The following CDYL variants were observed in gnomAD, a reference collection of about 807,000 sequenced individuals.
CDYL encodes the protein chromodomain Y like.
Under a neutral mutation model 47.3 loss-of-function variants are expected in CDYL, and 8 were observed. The ratio of observed to expected loss-of-function variants is 0.17; its 90% CI spans 0.10 to 0.31. The LOEUF is 0.31. Among genes scored for constraint, CDYL ranks in the 10% least tolerant of loss-of-function variants. The pLI, the probability that CDYL is intolerant of heterozygous loss-of-function variation, is 1.00. For synonymous variants in CDYL, 266 were observed against 265.0 expected (o/e 1.00, Z -0.04); for missense variants, 471 against 701.4 (o/e 0.67, Z 3.71).
At chr6:4,750,655 A>C (rs537050447) in intron 3 of CDYL, among the ~76,000 whole-genome samples, 1 of 152,320 alleles carries the variant, frequency 6.6e-6, no homozygotes, top group Non-Finnish European at 1.5e-5. Context: ...TCAAATTAAT[A>C]TATGTGATGT....
intron 1 of CDYL, among the ~76,000 whole-genome samples, chr6:4,856,356 C>T (rs941027301): frequency 3.9e-5 from 6 of 152,102 alleles, no homozygotes; most frequent in Non-Finnish European, 5.9e-5. Flanking sequence ...GTGAAGAGGT[C>T]GGCCGGATAG....
intron 3 of CDYL, among the ~76,000 whole-genome samples, chr6:4,743,829 G>T (rs6920511): frequency 0.77 from 116,909 of 152,178 alleles, 45,785 homozygotes; most frequent in Non-Finnish European, 0.84. Context: ...TGGCTTGTCA[G>T]ATGTGTAGTA....
chr6:4,725,000 C>T lies in CDYL; in HGVS notation c.103+9119C>T, dbSNP rs565445550. 273 of 152,180 alleles carry T rather than the reference C, an allele frequency of 1.8e-3. 1 individual carries two copies. The highest frequency in any genetic ancestry group is 6.3e-3 in the African/African-American group (260 of 41,536). The allele number at this position is 152,180 out of a possible 1,614,324, so 9.4% of individuals were successfully genotyped here. A position where few individuals can be genotyped will look rare whatever the true frequency, so the allele number is the denominator to read the frequency against. ...CTGTTTTACAGAGAGCTGATTGGTC[C>T]GTTTTGACAGGGTACTGATTGGTGC... is the stretch of plus-strand genomic sequence containing the variant. On this transcript the variant is annotated intron_variant, in intron 2 of 8. Coordinates refer to the CDYL transcript ENST00000328908.
At chr6:4,764,660 T>C (rs150049922) in intron 3 of CDYL, among the ~76,000 whole-genome samples, 15 of 152,332 alleles carry the variant, frequency 9.8e-5, no homozygotes, top group Non-Finnish European at 2.2e-4. Context: ...GACAAAATGC[T>C]TCCTTCACCA....
At chr6:4,927,280 C>T (rs912725967) in intron 2 of CDYL, among the ~76,000 whole-genome samples, 5 of 151,762 alleles carry the variant, frequency 3.3e-5, no homozygotes, top group African/African-American at 7.3e-5. Flanking sequence ...AGGAATGTAC[C>T]GATTTATGTA....
intron 2 of CDYL, among the ~76,000 whole-genome samples, chr6:4,896,362 T>C (rs1021294785): frequency 6.6e-6 from 1 of 152,172 alleles, no homozygotes; most frequent in East Asian, 1.9e-4. Flanking sequence ...CAAGAAAGCA[T>C]TTTGTTTTTC....
chr6:4,754,941 T>G (rs1296098805), intron 3 of CDYL, among the ~76,000 whole-genome samples: 2 of 152,224 alleles, frequency 1.3e-5, no homozygotes, highest in African/African-American at 4.8e-5. Context: ...GCTTACTTCT[T>G]TTTTGAAATG....
chr6:4,822,716 C>G (rs894242028), intron 1 of CDYL, among the ~76,000 whole-genome samples: 1 of 152,154 alleles, frequency 6.6e-6, no homozygotes, highest in Admixed American at 6.5e-5. Flanking sequence ...AAATGAAACC[C>G]TATTTCATGT....
intron 5 of CDYL, among the ~76,000 whole-genome samples, chr6:4,948,733 AG>A (rs960448404): frequency 2.2e-4 from 33 of 152,338 alleles, no homozygotes; most frequent in African/African-American, 7.5e-4. Flanking sequence ...CCTAGTGTCC[AG>A]GGGGAGAAAC....
chr6:4,857,240 C>T (rs561989948), intron 1 of CDYL, among the ~76,000 whole-genome samples: 7 of 152,318 alleles, frequency 4.6e-5, no homozygotes, highest in Non-Finnish European at 7.3e-5. Context: ...CAACCATCAC[C>T]ACCAAACATC....
intron 1 of CDYL, among the ~76,000 whole-genome samples, chr6:4,817,234 C>T (rs954929381): frequency 2.6e-5 from 4 of 151,980 alleles, no homozygotes; most frequent in Admixed American, 2.0e-4. Flanking sequence ...TAACTTCAGC[C>T]GGAGCCTAAT....
intron 2 of CDYL, among the ~76,000 whole-genome samples, chr6:4,927,415 C>G (rs968482604): frequency 8.7e-6 from 1 of 114,604 alleles, no homozygotes; most frequent in African/African-American, 3.8e-5. Context: ...TTCCATCATT[C>G]GAATTTACTG....
At chr6:4,838,887 A>T (rs892999709) in intron 1 of CDYL, among the ~76,000 whole-genome samples, 1 of 152,058 alleles carries the variant, frequency 6.6e-6, no homozygotes, top group Non-Finnish European at 1.5e-5. Flanking sequence ...GGGTTTCACC[A>T]TGTTGGCCAG....
At chr6:4,868,118 G>C (rs1019053679) in intron 1 of CDYL, among the ~76,000 whole-genome samples, 1 of 151,532 alleles carries the variant, frequency 6.6e-6, no homozygotes, top group African/African-American at 2.4e-5. Context: ...ATTTATACTT[G>C]GATCTTTATT....
intron 2 of CDYL, among the ~76,000 whole-genome samples, chr6:4,921,670 T>C (rs949372141): frequency 2.0e-5 from 3 of 152,250 alleles, no homozygotes; most frequent in African/African-American, 7.2e-5. Context: ...CTTCAAAGGC[T>C]GGCTGCAGTC....
At chr6:4,797,797 G>T (rs1279486891) in intron 1 of CDYL, among the ~76,000 whole-genome samples, 2 of 152,270 alleles carry the variant, frequency 1.3e-5, no homozygotes, top group Middle Eastern at 6.8e-3. Context: ...ACCCCATTTT[G>T]TGGATACACT....
At chr6:4,818,837 C>T (rs1759744940) in intron 1 of CDYL, among the ~76,000 whole-genome samples, 1 of 152,146 alleles carries the variant, frequency 6.6e-6, no homozygotes, top group African/African-American at 2.4e-5. Context: ...ACTGTATCAC[C>T]AGGTGACTGA....
chr6:4,824,118 G>T (rs898749008), intron 1 of CDYL, among the ~76,000 whole-genome samples: 7 of 152,120 alleles, frequency 4.6e-5, no homozygotes, highest in African/African-American at 1.7e-4. Context: ...CACATTTTAT[G>T]TATCCATTCA....
At chr6:4,724,333 G>A (rs532113675) in intron 2 of CDYL, 1 of 152,104 alleles carries the variant, frequency 6.6e-6, no homozygotes, top group African/African-American at 2.4e-5. Flanking sequence ...TTATAGACGT[G>A]AGCCACCATG....
Sources: allele counts gnomAD v4.1 joint callset (sites outside exome capture counted in the v4.1 genomes callset), GRCh38; gene constraint gnomAD v4.1.1; transcripts MANE v1.5; gene names NCBI Gene and HGNC (gene_info 2026-07-23, HGNC 2026-07-21).